Variants in UPF3B observed in about 807,000 individuals in gnomAD.
UPF3B encodes the protein UPF3B regulator of nonsense mediated mRNA decay, also known as regulator of nonsense transcripts 3B.
In UPF3B, 7 loss-of-function variants were observed where a neutral mutation model predicts 40.3. The observed-to-expected ratio is 0.17, with a 90% CI of 0.10 to 0.33. UPF3B has a LOEUF of 0.33. Among genes scored for constraint, UPF3B ranks in the 10% least tolerant of loss-of-function variants. The pLI is 1.00. For missense variants in UPF3B, 229 were observed against 358.9 expected (o/e 0.64, Z 2.93); for synonymous variants, 117 against 117.3 (o/e 1.00, Z 0.01).
At chrX:119,839,462 G>A (rs2056137434) in intron 8 of UPF3B, among the ~76,000 whole-genome samples, 1 of 112,305 alleles carries the variant, frequency 8.9e-6, no homozygotes, top group African/African-American at 3.2e-5. Flanking sequence ...CCATATTTAC[G>A]CATGTTCAAA....
At chrX:119,838,799 G>C (rs186038746) in intron 8 of UPF3B, among the ~76,000 whole-genome samples, 2 of 111,147 alleles carry the variant, frequency 1.8e-5, no homozygotes, top group Admixed American at 1.9e-4. Context: ...CTGAGGCAGG[G>C]TCTCACTACT....
At chrX:119,807,027 T>TAAAAAAAAAAA (rs1191950024) in intron 6 of UPF3B, among the ~76,000 whole-genome samples, 1 of 21,422 alleles carries the variant, frequency 4.7e-5, no homozygotes, top group Non-Finnish European at 8.8e-5. Flanking sequence ...AGACCCTGTC[T>TAAAAAAAAAAA]AAAAAAAAAA....
rs913323678 is a variant in UPF3B at position 119,849,900 on chromosome X, T to G, written c.370+1595A>C. ...TAAAAAAAAACAATAAAATCCAGCC[T>G]GGGCAACATAAGCAGACCTTGTCTC... On this transcript the variant is annotated intron_variant, in intron 3 of 10. Transcript: ENST00000276201. Among the ~76,000 whole-genome samples, 17 of 110,721 alleles carry G rather than the reference T, an allele frequency of 1.5e-4. 1 individual carries two copies. Among genetic ancestry groups the G allele is most frequent in the Admixed American group, 1.1e-3 (11 of 10,330 alleles).
At chrX:119,850,063 G>C (rs751898639) in intron 3 of UPF3B, among the ~76,000 whole-genome samples, 72 of 103,016 alleles carry the variant, frequency 7.0e-4, no homozygotes, top group East Asian at 1.2e-3. Flanking sequence ...GCTGAGGTGG[G>C]GGGGGGGAAA....
downstream of UPF3B, chrX:119,831,559 T>C (rs927514464): frequency 2.1e-4 from 62 of 291,084 alleles, no homozygotes; most frequent in Non-Finnish European, 2.7e-4. Flanking sequence ...CCTCATGCGA[T>C]CTGCCCGCCT....
intron 3 of UPF3B, among the ~76,000 whole-genome samples, chrX:119,828,076 C>T (rs1431217376): frequency 1.9e-5 from 2 of 107,421 alleles, no homozygotes; most frequent in African/African-American, 3.4e-5. Context: ...TTTTTCGAGC[C>T]GGAGTCTCGC....
At chrX:119,816,348 G>A (rs1358868870) in intron 4 of UPF3B, among the ~76,000 whole-genome samples, 1 of 111,264 alleles carries the variant, frequency 9.0e-6, no homozygotes, top group Non-Finnish European at 1.9e-5. Context: ...GTGCTACCGC[G>A]ACCCTTCTGA....
In UPF3B at chrX:119,842,593, C is replaced by CACACACACAT. The variant is rs2056176879; in HGVS notation, c.580+597_580+598insATGTGTGTGT. Among the ~76,000 whole-genome samples the CACACACACAT allele has an allele frequency of 7.1e-5, 6 of 84,923 alleles. No individual in the cohort carries two copies. In the Admixed American group the frequency reaches 8.8e-4, roughly 12 times the overall value. 73.7% of individuals were successfully genotyped at this position (84,923 alleles called of 115,157 possible). Reference sequence around the variant, plus strand: ...AGACTCCATCTCTCACACACACACACACACACACACATACACACACACACA... The same window carrying CACACACACAT: ...AGACTCCATCTCTCACACACACACACACACACACATACACACACACATACACACACACACA... On this transcript the variant is annotated intron_variant, in intron 5 of 10. Transcript: ENST00000276201.
In UPF3B at chrX:119,838,067, ATC is replaced by A. The variant is rs746668894; in HGVS notation, c.1008-18_1008-17del. 4.8e-5 allele frequency: 58 copies of A among 1,206,889 alleles called. No individual in the cohort carries two copies. The highest frequency in any genetic ancestry group is 2.3e-4 in the Middle Eastern group (1 of 4,373). On this transcript the variant is annotated splice_polypyrimidine_tract_variant and intron_variant, in intron 9 of 10. Transcript: ENST00000276201. Reference sequence around the variant, plus strand: ...ATCTTCAGGTCTGCATGAAAAACAAATCTGAGACAGAACCCTGAAAGATCTTG... The same window carrying A: ...ATCTTCAGGTCTGCATGAAAAACAAATGAGACAGAACCCTGAAAGATCTTG...
chrX:119,852,013 G>C, intron 1 of UPF3B, 140 bp from the exon 2 acceptor site: 1 of 480,110 alleles, frequency 2.1e-6, no homozygotes, highest in Non-Finnish European at 3.6e-6. Flanking sequence ...TTCTTCTGCA[G>C]CCCAATGCTC....
At chrX:119,817,635 T>G (rs143856648) in intron 4 of UPF3B, among the ~76,000 whole-genome samples, 4,215 of 111,912 alleles carry the variant, frequency 0.038, 206 homozygotes, top group African/African-American at 0.13. Flanking sequence ...TATGCATGGA[T>G]TGCAAAATCT....
At chrX:119,806,218 T>C (rs1170357657) in intron 6 of UPF3B, among the ~76,000 whole-genome samples, 3 of 93,176 alleles carry the variant, frequency 3.2e-5, no homozygotes, top group African/African-American at 1.2e-4. Context: ...TCATTCTCAG[T>C]AAACTATTGC....
At chrX:119,809,726 C>T (rs935663972) in intron 5 of UPF3B, among the ~76,000 whole-genome samples, 5 of 111,567 alleles carry the variant, frequency 4.5e-5, no homozygotes, top group African/African-American at 1.6e-4. Context: ...ATCTCAAAAA[C>T]AAAATCTTTT....
chrX:119,821,117 T>TA (rs1446710264), intron 4 of UPF3B, among the ~76,000 whole-genome samples: 1 of 111,244 alleles, frequency 9.0e-6, no homozygotes, highest in East Asian at 2.8e-4. Context: ...AGTGAGTTCT[T>TA]ACAGATCAGG....
chrX:119,811,100 G>A lies in UPF3B; in HGVS notation c.603-3519C>T, dbSNP rs186523763. Among the ~76,000 whole-genome samples the A allele has an allele frequency of 3.0e-3, 324 of 108,461 alleles. 2 individuals carry two copies. Among genetic ancestry groups the A allele is most frequent in the African/African-American group, 0.01 (301 of 29,782 alleles). The allele number at this position is 108,461 out of a possible 115,157, so 94.2% of individuals were successfully genotyped here. A position where few individuals can be genotyped will look rare whatever the true frequency, so the allele number is the denominator to read the frequency against. ...GTCACCCAGGCTGGAGTGCAGTGACGTGATCTCCGCTCACTGCAACCTCCG... is the reference window on the plus strand; with the variant it reads ...GTCACCCAGGCTGGAGTGCAGTGACATGATCTCCGCTCACTGCAACCTCCG... On this transcript the variant is annotated intron_variant, in intron 5 of 6. Transcript: ENST00000636792.
chrX:119,811,099 C>G (rs930153441), intron 5 of UPF3B, among the ~76,000 whole-genome samples: 1 of 108,812 alleles, frequency 9.2e-6, no homozygotes, highest in Non-Finnish European at 1.9e-5. Context: ...AGTGCAGTGA[C>G]GTGATCTCCG....
intron 6 of UPF3B, among the ~76,000 whole-genome samples, chrX:119,806,799 G>T (rs1323687359): frequency 9.1e-6 from 1 of 109,836 alleles, no homozygotes; most frequent in Non-Finnish European, 1.9e-5. Flanking sequence ...AGGCCGAAGC[G>T]GGGGGAATCA....
At chrX:119,843,853 TGTAATA>T (rs2056195406) in intron 4 of UPF3B, among the ~76,000 whole-genome samples, 1 of 112,133 alleles carries the variant, frequency 8.9e-6, no homozygotes, top group Non-Finnish European at 1.9e-5. Context: ...ATAAAATACC[TGTAATA>T]GTAACAAATG....
intron 1 of UPF3B, among the ~76,000 whole-genome samples, chrX:119,852,281 A>C (rs1448847629): frequency 9.0e-6 from 1 of 111,610 alleles, no homozygotes; most frequent in African/African-American, 3.3e-5. Context: ...TTAAAACAAA[A>C]TCCTTGCCCA....
Sources: allele counts gnomAD v4.1 joint callset (sites outside exome capture counted in the v4.1 genomes callset), GRCh38; gene constraint gnomAD v4.1.1; transcripts MANE v1.5; gene names NCBI Gene and HGNC (gene_info 2026-07-23, HGNC 2026-07-21).